Variants in TMEM123 observed in about 807,000 individuals in gnomAD.
TMEM123 encodes the protein transmembrane protein 123.
A neutral mutation model predicts 19.7 loss-of-function variants in TMEM123; 16 were observed. The observed-to-expected ratio is 0.81, with a 90% CI of 0.55 to 1.23. The LOEUF (loss-of-function observed/expected upper bound fraction) is 1.23. TMEM123 is among the 50% of genes most tolerant of loss of function. TMEM123 has a pLI of 0.00. For missense variants in TMEM123, 313 were observed against 257.8 expected (o/e 1.21, Z -1.47); for synonymous variants, 118 against 99.4 (o/e 1.19, Z -1.12).
intron 2 of TMEM123, among the ~76,000 whole-genome samples, chr11:102,411,905 T>C (rs1010642140): frequency 6.6e-6 from 1 of 152,212 alleles, no homozygotes; most frequent in Admixed American, 6.5e-5. Flanking sequence ...CCAAGGTATG[T>C]CTGAACTCTT....
At position 102,452,731 on chromosome 11, in the gene TMEM123, C is replaced by CATATACA; in HGVS notation, c.-109_-108insTGTATAT. 5 of 848,394 alleles carry CATATACA rather than the reference C, an allele frequency of 5.9e-6. No homozygotes were observed. Among genetic ancestry groups the CATATACA allele is most frequent in the Non-Finnish European group, 6.4e-6 (4 of 620,612 alleles). The allele number at this position is 848,394 out of a possible 1,614,324, so 52.6% of individuals were successfully genotyped here. A position where few individuals can be genotyped will look rare whatever the true frequency, so the allele number is the denominator to read the frequency against. ...GCCGGCTCCGCTTCCCCTTCGGCCG[C>CATATACA]GCACGTTTCCCCTCCCGCCGCTTGC... On this transcript the variant is annotated 5_prime_UTR_variant, in exon 1 of 5. It adds an upstream start codon to the 5' untranslated region. Transcript: ENST00000398136.
At chr11:102,411,608 G>A (rs1334546225) in intron 2 of TMEM123, among the ~76,000 whole-genome samples, 2 of 151,662 alleles carry the variant, frequency 1.3e-5, no homozygotes, top group East Asian at 3.9e-4. Context: ...ACTAAATCCA[G>A]ATAGGTAGTA....
chr11:102,437,739 A>G (rs1397870921), intron 2 of TMEM123, among the ~76,000 whole-genome samples: 3 of 152,220 alleles, frequency 2.0e-5, no homozygotes, highest in African/African-American at 7.2e-5. Context: ...GACATTAACA[A>G]GAATCCACAT....
At chr11:102,447,429 T>C (rs1447133059) in intron 2 of TMEM123, among the ~76,000 whole-genome samples, 17 of 152,332 alleles carry the variant, frequency 1.1e-4, no homozygotes, top group Non-Finnish European at 1.5e-5. Context: ...AATTTCCCCA[T>C]GTGTAAACCA....
At chr11:102,420,134 C>T (rs1490233393) in intron 2 of TMEM123, among the ~76,000 whole-genome samples, 1 of 152,136 alleles carries the variant, frequency 6.6e-6, no homozygotes, top group East Asian at 1.9e-4. Flanking sequence ...TCTCCAGATC[C>T]CTTCCCCATC....
intron 2 of TMEM123, among the ~76,000 whole-genome samples, chr11:102,430,951 C>G (rs1857695527): frequency 6.6e-6 from 1 of 152,072 alleles, no homozygotes; most frequent in Non-Finnish European, 1.5e-5. Flanking sequence ...ACTAGTGAAC[C>G]AAATTCAATG....
At chr11:102,428,993 G>A (rs1035453685) in intron 2 of TMEM123, among the ~76,000 whole-genome samples, 2 of 152,136 alleles carry the variant, frequency 1.3e-5, no homozygotes, top group Non-Finnish European at 2.9e-5. Flanking sequence ...ACCCCCTGGG[G>A]TCTGGAGGGA....
chr11:102,452,733 C>T lies in TMEM123; in HGVS notation c.-110G>A. On this transcript the variant is annotated 5_prime_UTR_variant, in exon 1 of 5. Transcript: ENST00000398136. The stretch of plus-strand genomic sequence containing the variant: ...CGGCTCCGCTTCCCCTTCGGCCGCG[C>T]ACGTTTCCCCTCCCGCCGCTTGCCC... 1.2e-6 allele frequency: 1 copy of T among 805,674 alleles called. No homozygotes were observed. Among genetic ancestry groups the T allele is most frequent in the Non-Finnish European group, 1.7e-6 (1 of 582,292 alleles). 49.9% of individuals were successfully genotyped at this position (805,674 alleles called of 1,614,324 possible).
At chr11:102,445,553 A>G (rs1857876557) in intron 2 of TMEM123, among the ~76,000 whole-genome samples, 2 of 152,258 alleles carry the variant, frequency 1.3e-5, no homozygotes, top group Admixed American at 1.3e-4. Flanking sequence ...TAAACAGAAG[A>G]AGGTAGTGTG....
chr11:102,451,358 A>G (rs1374110479), intron 1 of TMEM123: 1 of 152,188 alleles, frequency 6.6e-6, no homozygotes, highest in Non-Finnish European at 1.5e-5. Flanking sequence ...TTTTTCTTAA[A>G]TGATCTCAAA....
At chr11:102,422,695 T>C in intron 2 of TMEM123, among the ~76,000 whole-genome samples, 1 of 152,350 alleles carries the variant, frequency 6.6e-6, no homozygotes, top group Non-Finnish European at 1.5e-5. Context: ...TTTTCATACA[T>C]TAAAATTTTA....
intron 2 of TMEM123, among the ~76,000 whole-genome samples, chr11:102,411,739 A>G (rs142677811): frequency 0.022 from 3,284 of 152,248 alleles, 53 homozygotes; most frequent in Middle Eastern, 0.041. Context: ...ATAGAGAAAC[A>G]GTATTTTCCC....
At chr11:102,442,259 A>C (rs942939727) in intron 2 of TMEM123, among the ~76,000 whole-genome samples, 24 of 152,196 alleles carry the variant, frequency 1.6e-4, no homozygotes, top group South Asian at 4.1e-4. Flanking sequence ...AGAATTTTAG[A>C]CCAATATCCC....
intron 2 of TMEM123, among the ~76,000 whole-genome samples, chr11:102,410,380 TGAGACTACCA>T (rs1378068901): frequency 6.6e-6 from 1 of 152,048 alleles, no homozygotes; most frequent in Non-Finnish European, 1.5e-5. Context: ...TCCTAGGGGA[TGAGACTACCA>T]GATGGGCAAA....
rs752597702 is a variant in TMEM123 at position 102,398,904 on chromosome 11, A to G, written c.603-13T>C. 17 of 1,604,402 alleles carry G rather than the reference A, an allele frequency of 1.1e-5. No individual in the cohort carries two copies. Among genetic ancestry groups the G allele is most frequent in the East Asian group, 6.7e-5 (3 of 44,738 alleles). On this transcript the variant is annotated splice_polypyrimidine_tract_variant and intron_variant, in intron 4 of 4. Coordinates refer to ENST00000398136, the MANE Select transcript of TMEM123 (RefSeq NM_052932.3). ...ATCATGTTCATCTCTGTAATATATTAAAAGTTACAATTACTTTGTTTTGTT... is the reference window on the plus strand; with the variant it reads ...ATCATGTTCATCTCTGTAATATATTGAAAGTTACAATTACTTTGTTTTGTT...
Position 102,398,791 on chromosome 11 carries a change from TTTAAACTA to T in TMEM123, c.*68_*75del. The stretch of plus-strand genomic sequence containing the variant: ...ACTATTTTCAAAAAGAGAATATTGT[TTTAAACTA>T]TTAATAAACCAAAATTAATTGATAG... On this transcript the variant is annotated 3_prime_UTR_variant, in exon 5 of 5. Transcript: ENST00000398136. 6.9e-7 allele frequency: 1 copy of T among 1,452,280 alleles called. No homozygotes were observed. The highest frequency in any genetic ancestry group is 9.6e-7 in the Non-Finnish European group (1 of 1,044,288). The allele number at this position is 1,452,280 out of a possible 1,614,324, so 90.0% of individuals were successfully genotyped here.
chr11:102,452,736 G>C lies in TMEM123; in HGVS notation c.-113C>G. ...CTCCGCTTCCCCTTCGGCCGCGCAC[G>C]TTTCCCCTCCCGCCGCTTGCCCCCC... On this transcript the variant is annotated 5_prime_UTR_variant, in exon 1 of 5. Transcript: ENST00000398136. The C allele has an allele frequency of 2.5e-6, 2 of 794,612 alleles. No homozygotes were observed. Among genetic ancestry groups the C allele is most frequent in the Non-Finnish European group, 3.5e-6 (2 of 572,846 alleles). 49.2% of individuals were successfully genotyped at this position (794,612 alleles called of 1,614,324 possible). A position where few individuals can be genotyped will look rare whatever the true frequency, so the allele number is the denominator to read the frequency against.
chr11:102,399,312 T>C (rs1403640724), intron 4 of TMEM123, among the ~76,000 whole-genome samples: 1 of 152,134 alleles, frequency 6.6e-6, no homozygotes, highest in Non-Finnish European at 1.5e-5. Context: ...TGGTGTGGCA[T>C]TGCATGCTTG....
intron 2 of TMEM123, among the ~76,000 whole-genome samples, chr11:102,437,884 C>T (rs1023767178): frequency 6.6e-6 from 1 of 152,130 alleles, no homozygotes; most frequent in African/African-American, 2.4e-5. Flanking sequence ...GAATGTTCCT[C>T]CCCCTAGCAT....
Sources: gnomAD v4.1 joint callset for allele counts (sites outside exome capture counted in the v4.1 genomes callset) on GRCh38, gnomAD v4.1.1 for gene constraint, MANE v1.5 for transcripts, NCBI Gene and HGNC (gene_info 2026-07-23, HGNC 2026-07-21) for gene names.